SLC25A28: variants seen among roughly 807,000 people sequenced by gnomAD.
SLC25A28 encodes the protein solute carrier family 25 member 28, also known as mitoferrin-2.
SLC25A28 carries 10 observed loss-of-function variants against 31.9 expected under a neutral mutation model. The observed-to-expected ratio is 0.31, with a 90% CI of 0.19 to 0.53. The LOEUF (loss-of-function observed/expected upper bound fraction) is 0.53, where lower values mean the gene tolerates loss of function less well. Ranked by LOEUF, SLC25A28 falls within the 20% of genes least tolerant of loss-of-function variation. The probability of loss-of-function intolerance (pLI) is 0.95; values close to 1 mark genes in which losing one functional copy is unlikely to be tolerated. For synonymous variants in SLC25A28, 208 were observed against 203.6 expected (o/e 1.02, Z -0.19); for missense variants, 256 against 490.3 (o/e 0.52, Z 4.51).
At chr10:99,615,181 C>T (rs1307365604) in intron 1 of SLC25A28, among the ~76,000 whole-genome samples, 1 of 152,000 alleles carries the variant, frequency 6.6e-6, no homozygotes, top group Non-Finnish European at 1.5e-5. Context: ...ATGGTGAAAC[C>T]CCGTCTCTAT....
Position 99,613,434 on chromosome 10 carries a change from T to G in SLC25A28, c.520+262A>C. The G allele has an allele frequency of 7.4e-7, 1 of 1,356,610 alleles. No individual in the cohort carries two copies. The highest frequency in any genetic ancestry group is 9.5e-7 in the Non-Finnish European group (1 of 1,051,298). The allele number at this position is 1,356,610 out of a possible 1,614,324, so 84.0% of individuals were successfully genotyped here. A position where few individuals can be genotyped will look rare whatever the true frequency, so the allele number is the denominator to read the frequency against. ...ACATTACCAGGGCATTAGAAGTTGA[T>G]GCCAGGGAGATGAGAGGAACAAGTC... On this transcript the variant is annotated intron_variant, in intron 2 of 3. Transcript: ENST00000370495. The surrounding 1 kb of genome is among the most constrained non-coding windows in gnomAD (Gnocchi z 4.9).
At chr10:99,616,319 G>T in intron 1 of SLC25A28, 1 of 784,940 alleles carries the variant, frequency 1.3e-6, no homozygotes, top group Non-Finnish European at 1.5e-6. Context: ...CTTCAAAATT[G>T]TCATCTATAA....
chr10:99,616,047 C>T (rs1589996499), intron 1 of SLC25A28: 1 of 985,336 alleles, frequency 1.0e-6, no homozygotes, highest in South Asian at 4.7e-5. Flanking sequence ...ATAAGCTATG[C>T]CAAATATAAA....
At chr10:99,639,621 C>T in the SLC25A28 span, among the ~76,000 whole-genome samples, 3 of 151,790 alleles carry the variant, frequency 2.0e-5, no homozygotes, top group African/African-American at 7.3e-5. Context: ...CTCATTGCTT[C>T]ATGAAATCTC....
At chr10:99,629,840 A>C in the SLC25A28 span, among the ~76,000 whole-genome samples, 3 of 152,200 alleles carry the variant, frequency 2.0e-5, no homozygotes, top group Non-Finnish European at 4.4e-5. Context: ...GTTGTACAAC[A>C]TTGTGAATGT....
intron 1 of SLC25A28, 149 bp from the exon 2 acceptor site, chr10:99,614,073 T>G (rs2034593943): frequency 3.0e-6 from 3 of 990,518 alleles, no homozygotes; most frequent in Non-Finnish European, 4.3e-6. Context: ...TAGCTGATCT[T>G]TCTTCTAAGC....
the SLC25A28 span, among the ~76,000 whole-genome samples, chr10:99,631,891 A>ATTTTTTTTTTTTTTT: frequency 8.2e-6 from 1 of 122,284 alleles, no homozygotes; most frequent in Non-Finnish European, 1.6e-5. Flanking sequence ...TTTTTTTTTT[A>ATTTTTTTTTTTTTTT]TTTTTTTTTT....
chr10:99,621,807 T>C (rs2052317), upstream of SLC25A28: 129,453 of 152,252 alleles, frequency 0.85, 55,195 homozygotes, highest in Middle Eastern at 0.92. Flanking sequence ...AAAGTTTAGC[T>C]CTTCTCTGGG....
At chr10:99,652,205 A>C in the SLC25A28 span, 1 of 152,424 alleles carries the variant, frequency 6.6e-6, no homozygotes, top group South Asian at 2.1e-4. Flanking sequence ...CTGATTCCGC[A>C]AAGTCCTGCA....
the SLC25A28 span, among the ~76,000 whole-genome samples, chr10:99,646,204 C>G: frequency 6.6e-6 from 1 of 152,184 alleles, no homozygotes; most frequent in Non-Finnish European, 1.5e-5. Flanking sequence ...GTGGTTGGCT[C>G]CAGCCCATTC....
At chr10:99,651,998 C>T in the SLC25A28 span, 3 of 152,166 alleles carry the variant, frequency 2.0e-5, no homozygotes, top group Non-Finnish European at 4.4e-5. Flanking sequence ...ATTTTCTTCT[C>T]TATTTTCTTT....
In SLC25A28 at chr10:99,613,359, G is replaced by A; in HGVS notation, c.520+337C>T. The A allele has an allele frequency of 1.2e-5, 14 of 1,197,450 alleles. No homozygotes were observed. Among genetic ancestry groups the A allele is most frequent in the Non-Finnish European group, 1.5e-5 (14 of 953,496 alleles). The allele number at this position is 1,197,450 out of a possible 1,614,324, so 74.2% of individuals were successfully genotyped here. On this transcript the variant is annotated intron_variant, in intron 2 of 3. Coordinates refer to ENST00000370495, the MANE Select transcript of SLC25A28 (RefSeq NM_031212.4). The surrounding 1 kb of genome is among the most constrained non-coding windows in gnomAD (Gnocchi z 4.9). ...CCTCCAATCCTGCCCTAAGGAGCAG[G>A]ACACCACCCAACTGTCAAACATAGA...
the SLC25A28 span, among the ~76,000 whole-genome samples, chr10:99,651,552 TG>T: frequency 6.6e-6 from 1 of 151,238 alleles, no homozygotes; most frequent in East Asian, 1.9e-4. Flanking sequence ...CTCTTAGTAG[TG>T]TGTTTTGAAG....
At chr10:99,626,732 C>G in the SLC25A28 span, among the ~76,000 whole-genome samples, 1 of 151,902 alleles carries the variant, frequency 6.6e-6, no homozygotes, top group Non-Finnish European at 1.5e-5. Flanking sequence ...ATGGAAATTT[C>G]AGCCCATGTG....
chr10:99,625,015 T>A (rs2034857042), upstream of SLC25A28, among the ~76,000 whole-genome samples: 1 of 151,982 alleles, frequency 6.6e-6, no homozygotes, highest in Non-Finnish European at 1.5e-5. Context: ...CCGCGGACAC[T>A]CGCGGTGAGT....
the SLC25A28 span, among the ~76,000 whole-genome samples, chr10:99,630,276 GCAC>G: frequency 1.3e-5 from 2 of 151,962 alleles, no homozygotes; most frequent in African/African-American, 4.8e-5. Context: ...TTAACGATGC[GCAC>G]CACCACCCCC....
intron 1 of SLC25A28, chr10:99,616,016 C>G: frequency 1.0e-6 from 1 of 985,312 alleles, no homozygotes. Context: ...AAAAGTACAC[C>G]CTTATGGAGA....
the SLC25A28 span, among the ~76,000 whole-genome samples, chr10:99,652,594 A>G: frequency 6.6e-6 from 1 of 152,112 alleles, no homozygotes; most frequent in African/African-American, 2.4e-5. Flanking sequence ...CAGAATCCTC[A>G]AATGACATGC....
At chr10:99,628,505 T>C in the SLC25A28 span, among the ~76,000 whole-genome samples, 1 of 152,252 alleles carries the variant, frequency 6.6e-6, no homozygotes, top group African/African-American at 2.4e-5. Flanking sequence ...TGCCACTTCA[T>C]ACCTATGCAG....
Sources: gnomAD v4.1 joint callset for allele counts (sites outside exome capture counted in the v4.1 genomes callset) on GRCh38, gnomAD v4.1.1 for gene constraint, Gnocchi (gnomAD v3.1) non-coding constraint, MANE v1.5 for transcripts, NCBI Gene and HGNC (gene_info 2026-07-23, HGNC 2026-07-21) for gene names.